SLC36A3: variants seen among roughly 807,000 people sequenced by gnomAD.
SLC36A3 encodes the protein solute carrier family 36 member 3.
A neutral mutation model predicts 44.3 loss-of-function variants in SLC36A3; 35 were observed. That is an observed-to-expected ratio of 0.79 (90% CI 0.60 to 1.05). The LOEUF is 1.05. Ranked by LOEUF, SLC36A3 falls within the 50% of genes least tolerant of loss-of-function variation. The pLI is 0.00. For missense variants in SLC36A3, 540 were observed against 578.7 expected (o/e 0.93, Z 0.69); for synonymous variants, 211 against 227.6 (o/e 0.93, Z 0.66).
intron 4 of SLC36A3, among the ~76,000 whole-genome samples, chr5:151,290,561 T>A (rs1679892642): frequency 6.6e-6 from 1 of 152,210 alleles, no homozygotes; most frequent in Non-Finnish European, 1.5e-5. Flanking sequence ...TGTCGGTGTA[T>A]TTGTAGCAAA....
At position 151,303,402 on chromosome 5, in the gene SLC36A3, A is replaced by G. The variant is rs768590177; in HGVS notation, c.-48T>C. ...CAGAGGCTCAGGGTTAAGGCTCTGA[A>G]TGAGCCTCTGATGGGTCTTTCTCCA... On this transcript the variant is annotated 5_prime_UTR_variant, in exon 1 of 10. Transcript: ENST00000335230. 6.3e-6 allele frequency: 10 copies of G among 1,580,578 alleles called. No individual in the cohort carries two copies. The highest frequency in any genetic ancestry group is 8.6e-6 in the Non-Finnish European group (10 of 1,158,540).
intron 9 of SLC36A3, among the ~76,000 whole-genome samples, chr5:151,278,459 T>A (rs930092584): frequency 1.6e-4 from 24 of 151,318 alleles, no homozygotes; most frequent in Admixed American, 7.9e-4. Flanking sequence ...TTTATTATTT[T>A]AAAACAATTA....
chr5:151,301,786 T>C (rs1755172898), intron 1 of SLC36A3, among the ~76,000 whole-genome samples: 1 of 151,492 alleles, frequency 6.6e-6, no homozygotes, highest in South Asian at 2.1e-4. Flanking sequence ...CATGAATTAC[T>C]CTTTCTCCAT....
chr5:151,289,737 G>A (rs948255415), intron 4 of SLC36A3, among the ~76,000 whole-genome samples: 1 of 152,128 alleles, frequency 6.6e-6, no homozygotes, highest in Non-Finnish European at 1.5e-5. Context: ...TTAAATTCAG[G>A]GGAGCACTTT....
At chr5:151,281,618 C>T (rs1217846522) in intron 8 of SLC36A3, among the ~76,000 whole-genome samples, 1 of 152,066 alleles carries the variant, frequency 6.6e-6, no homozygotes, top group Non-Finnish European at 1.5e-5. Flanking sequence ...AGGAGTTCGA[C>T]ACCAGCCTGA....
At chr5:151,292,634 A>G (rs913175237) in intron 4 of SLC36A3, among the ~76,000 whole-genome samples, 2 of 152,216 alleles carry the variant, frequency 1.3e-5, no homozygotes, top group African/African-American at 4.8e-5. Context: ...ACCTTAGGGG[A>G]ATAAGCAAAT....
At position 151,303,244 on chromosome 5, in the gene SLC36A3, A is replaced by G. The variant is rs762756686; in HGVS notation, c.111T>C (p.Ala37=). The change falls in exon 1 of 10, where the codon GCT becomes GCC. Residue 37 remains alanine, a synonymous_variant. Transcript: ENST00000335230. ...CCACTTACGATAGTCCAGCTTCTCC[A>G]GCAGGATGGACATTCTCTGAAGTAA... ...SSITSENVHP[A]GEAGLSMMQT... 6.2e-6 allele frequency: 10 copies of G among 1,613,644 alleles called. No homozygotes were observed. In the South Asian group the frequency reaches 1.1e-4, roughly 18 times the overall value.
At chr5:151,288,774 C>T (rs1754645376) in intron 4 of SLC36A3, among the ~76,000 whole-genome samples, 1 of 151,590 alleles carries the variant, frequency 6.6e-6, no homozygotes, top group Non-Finnish European at 1.5e-5. Context: ...CATACACACG[C>T]AATTTTTTTC....
chr5:151,303,244 A>T lies in SLC36A3; in HGVS notation c.111T>A (p.Ala37=). 6.2e-7 allele frequency: 1 copy of T among 1,613,644 alleles called. No homozygotes were observed. The highest frequency in any genetic ancestry group is 8.5e-7 in the Non-Finnish European group (1 of 1,179,692). The stretch of plus-strand genomic sequence containing the variant: ...CCACTTACGATAGTCCAGCTTCTCC[A>T]GCAGGATGGACATTCTCTGAAGTAA... The part of the protein sequence containing the change: ...SSITSENVHP[A]GEAGLSMMQT... The change falls in exon 1 of 10, where the codon GCT becomes GCA. Residue 37 remains alanine, a synonymous_variant. Transcript: ENST00000335230.
chr5:151,298,461 C>T (rs1755035845), intron 2 of SLC36A3, 132 bp downstream of exon 2: 2 of 836,246 alleles, frequency 2.4e-6, no homozygotes, highest in Non-Finnish European at 1.9e-6. Flanking sequence ...GGGATTGATG[C>T]CAACAGGCAC....
rs1180052929 is a variant in SLC36A3, at chr5:151,276,471, C to T, written c.*922G>A. Among the ~76,000 whole-genome samples the T allele has an allele frequency of 6.6e-6, 1 of 152,154 alleles. No individual in the cohort carries two copies. Among genetic ancestry groups the T allele is most frequent in the Non-Finnish European group, 1.5e-5 (1 of 68,018 alleles). ...TGCTGAGGAATATTCCATTGTATGG[C>T]TACATCACAATTTATTTATCCATTC... On this transcript the variant is annotated 3_prime_UTR_variant, in exon 10 of 10. Transcript: ENST00000335230.
chr5:151,303,137 T>A, intron 1 of SLC36A3, 90 bp downstream of exon 1: 1 of 1,465,120 alleles, frequency 6.8e-7, no homozygotes, highest in Non-Finnish European at 9.2e-7. Context: ...AATAAGCGTG[T>A]TAAGGAGATA....
chr5:151,298,475 T>C, intron 2 of SLC36A3, 118 bp downstream of exon 2: 1 of 968,382 alleles, frequency 1.0e-6, no homozygotes, highest in Non-Finnish European at 1.6e-6. Flanking sequence ...CAGGCACATT[T>C]TCAATTGCAG....
intron 9 of SLC36A3, among the ~76,000 whole-genome samples, chr5:151,278,670 A>G (rs570066460): frequency 3.9e-5 from 6 of 152,190 alleles, no homozygotes; most frequent in Non-Finnish European, 8.8e-5. Context: ...TCTTTAAAAA[A>G]ATCACCTCTT....
Position 151,277,546 on chromosome 5 carries a change from G to C in SLC36A3, c.1260C>G (p.Tyr420Ter), listed in dbSNP as rs1399664042. The C allele has an allele frequency of 6.2e-7, 1 of 1,614,088 alleles. No individual in the cohort carries two copies. The highest frequency in any genetic ancestry group is 8.5e-7 in the Non-Finnish European group (1 of 1,180,042). Reference sequence around the variant, plus strand: ...TGGTGACACAGCTCATGTCCTCAGAGTAAAAGATGACGATCTCCAGGAGGG... The same window carrying C: ...TGGTGACACAGCTCATGTCCTCAGACTAAAAGATGACGATCTCCAGGAGGG... The part of the protein sequence containing the change: ...IPALLEIVIF[Y>*]SEDMSCVTIA... Residue 420 changes from tyrosine (Y) to a stop codon, truncating the protein, a stop_gained, in exon 10 of 10, where the codon TAC (tyrosine) becomes TAG (stop). Transcript: ENST00000335230. LOFTEE classifies it low-confidence loss of function (END_TRUNC).
intron 1 of SLC36A3, among the ~76,000 whole-genome samples, chr5:151,302,305 T>C (rs904954446): frequency 2.0e-5 from 3 of 152,226 alleles, no homozygotes; most frequent in African/African-American, 7.2e-5. Flanking sequence ...CACTGGGGAT[T>C]GTCATCGATA....
intron 7 of SLC36A3, 141 bp downstream of exon 7, chr5:151,284,472 G>A: frequency 1.4e-6 from 1 of 712,262 alleles, no homozygotes. Context: ...GACCCTGTAT[G>A]TGGGTACAGA....
At position 151,303,444 on chromosome 5, in the gene SLC36A3, T is replaced by C. The variant is rs28481793; in HGVS notation, c.-90A>G. The C allele has an allele frequency of 0.4, 559,933 of 1,414,564 alleles. 113,014 individuals carry two copies. The highest frequency in any genetic ancestry group is 0.56 in the Admixed American group (26,443 of 47,322). 87.6% of individuals were successfully genotyped at this position (1,414,564 alleles called of 1,614,324 possible). A position where few individuals can be genotyped will look rare whatever the true frequency, so the allele number is the denominator to read the frequency against. On this transcript the variant is annotated 5_prime_UTR_variant, in exon 1 of 10. Transcript: ENST00000335230. ...CTTTCTCCAGAGAAACCATGGCTGC[T>C]GACCTGAGATGCTGGCTCCTAACCC...
At position 151,280,962 on chromosome 5, in the gene SLC36A3, C is replaced by T. The variant is rs1156942312; in HGVS notation, c.1144+52G>A. ...CCAATGATGGTGGGGTGGGCGCCAG[C>T]GTGGCTCCCTGTCATAGCTTTGGGT... On this transcript the variant is annotated intron_variant, in intron 9 of 9. Coordinates refer to ENST00000335230, the MANE Select transcript of SLC36A3 (RefSeq NM_181774.4). 9.3e-6 allele frequency: 15 copies of T among 1,605,232 alleles called. No individual in the cohort carries two copies. The African/African-American group carries it at 1.2e-4, about 13-fold the overall frequency.
Sources: allele counts gnomAD v4.1 joint callset (sites outside exome capture counted in the v4.1 genomes callset), GRCh38; gene constraint gnomAD v4.1.1; transcripts MANE v1.5; gene names NCBI Gene and HGNC (gene_info 2026-07-23, HGNC 2026-07-21).